The following IL6ST variants were observed in gnomAD, a reference collection of about 807,000 sequenced individuals.
IL6ST encodes the protein interleukin 6 cytokine family signal transducer.
In IL6ST, 24 loss-of-function variants were observed where a neutral mutation model predicts 91.3. The observed-to-expected ratio is 0.26, with a 90% CI of 0.19 to 0.37. The LOEUF is 0.37. IL6ST is among the 10% of genes least tolerant of loss of function. The pLI is 1.00. For missense variants in IL6ST, 914 were observed against 1,078.5 expected (o/e 0.85, Z 2.14); for synonymous variants, 351 against 373.6 (o/e 0.94, Z 0.70).
intron 1 of IL6ST, among the ~76,000 whole-genome samples, chr5:55,989,605 C>T (rs1021899373): frequency 2.3e-4 from 35 of 152,130 alleles, no homozygotes; most frequent in African/African-American, 8.2e-4. Flanking sequence ...CTCACCATTG[C>T]TTAAGAAATA....
rs537130167 is a variant in IL6ST, at chr5:55,948,605, T to C, written c.1841-1016A>G. Among the ~76,000 whole-genome samples, 20 of 152,204 alleles carry C rather than the reference T, an allele frequency of 1.3e-4. 1 individual carries two copies. In the East Asian group the frequency reaches 3.5e-3, roughly 26 times the overall value. On this transcript the variant is annotated intron_variant, in intron 14 of 16. Transcript: ENST00000381298. ...GTATATATTGATATATGTGTGTATATATATATTGATATGGGTATGTATGTG... is the reference window on the plus strand; with the variant it reads ...GTATATATTGATATATGTGTGTATACATATATTGATATGGGTATGTATGTG...
chr5:55,964,091 A>C, intron 6 of IL6ST, 55 bp downstream of exon 6: 6 of 865,938 alleles, frequency 6.9e-6, no homozygotes, highest in Non-Finnish European at 1.0e-5. Flanking sequence ...AAACTACTTT[A>C]ATTTGTAAAC....
chr5:55,968,181 ATAGCATTTAATATTATT>A (rs1339526499), intron 5 of IL6ST, 78 bp downstream of exon 5: 7 of 1,074,012 alleles, frequency 6.5e-6, no homozygotes, highest in Non-Finnish European at 9.4e-6. Flanking sequence ...ATGTTTTAAA[ATAGCATTTAATATTATT>A]ACTTGGTAAA....
chr5:55,950,535 C>CAA (rs70995750), intron 14 of IL6ST, among the ~76,000 whole-genome samples: 392 of 28,810 alleles, frequency 0.014, 2 homozygotes, highest in East Asian at 0.025. Flanking sequence ...GACTCTGTCT[C>CAA]AAAAAAAAAA....
intron 1 of IL6ST, among the ~76,000 whole-genome samples, chr5:55,983,935 AGC>A (rs1211440070): frequency 6.6e-6 from 1 of 152,136 alleles, no homozygotes; most frequent in Non-Finnish European, 1.5e-5. Context: ...AATTCCTTGT[AGC>A]CTTTGCTCAA....
In IL6ST at chr5:55,941,152, G is replaced by A. The variant is rs754073856; in HGVS notation, c.2687C>T (p.Ala896Val). The change falls in exon 17 of 17, where the codon GCG (alanine) becomes GTG (valine). Residue 896 changes from alanine (A) to valine (V), a missense_variant. Transcript: ENST00000381298. ...ERFETVGMEA[A>V]TDEGMPKSYL... ...ACTTTTAGGCATGCCTTCATCAGTC[G>A]CAGCCTCCATGCCAACTGTTTCAAA... 2.0e-5 allele frequency: 33 copies of A among 1,613,952 alleles called. No individual in the cohort carries two copies. The highest frequency in any genetic ancestry group is 4.4e-5 in the South Asian group (4 of 91,074).
At chr5:55,983,802 T>C (rs534253496) in intron 1 of IL6ST, among the ~76,000 whole-genome samples, 1 of 152,330 alleles carries the variant, frequency 6.6e-6, no homozygotes, top group East Asian at 1.9e-4. Context: ...TAACTTTACA[T>C]TGTATAAATA....
chr5:55,988,954 T>TA (rs1252300698), intron 1 of IL6ST, among the ~76,000 whole-genome samples: 18 of 138,356 alleles, frequency 1.3e-4, no homozygotes, highest in South Asian at 6.8e-4. Context: ...CTATAAAAAA[T>TA]AAAAAAAAAA....
intron 5 of IL6ST, among the ~76,000 whole-genome samples, chr5:55,966,657 TAAA>T (rs986720619): frequency 2.6e-5 from 4 of 151,948 alleles, no homozygotes; most frequent in Non-Finnish European, 5.9e-5. Flanking sequence ...ATGAAATACA[TAAA>T]AAAGAGATAG....
intron 7 of IL6ST, among the ~76,000 whole-genome samples, chr5:55,961,555 C>T (rs1047354302): frequency 1.8e-4 from 28 of 152,132 alleles, no homozygotes; most frequent in Admixed American, 8.5e-4. Flanking sequence ...GTCTGGAGTT[C>T]GAGACCAACC....
chr5:55,961,461 A>G (rs1752311886), intron 7 of IL6ST, among the ~76,000 whole-genome samples: 1 of 152,116 alleles, frequency 6.6e-6, no homozygotes, highest in South Asian at 2.1e-4. Context: ...AGTGACCCTA[A>G]GTTGAAAGAC....
rs943669781 is a variant in IL6ST at position 55,936,547 on chromosome 5, C to T, written c.*4535G>A. 9.7e-6 allele frequency: 2 copies of T among 206,684 alleles called. No homozygotes were observed. The highest frequency in any genetic ancestry group is 2.0e-5 in the Non-Finnish European group (2 of 101,532). The allele number at this position is 206,684 out of a possible 1,614,324, so 12.8% of individuals were successfully genotyped here. On this transcript the variant is annotated 3_prime_UTR_variant, in exon 17 of 17. Transcript: ENST00000381298. Reference sequence around the variant, plus strand: ...AAAATGTCACAAAACCCACACGAAGCATCTCATTTACACTAAGATGCTTAT... The same window carrying T: ...AAAATGTCACAAAACCCACACGAAGTATCTCATTTACACTAAGATGCTTAT...
At chr5:55,944,565 T>C (rs914851087) in intron 15 of IL6ST, 2 of 507,472 alleles carry the variant, frequency 3.9e-6, no homozygotes, top group Non-Finnish European at 7.2e-6. Flanking sequence ...AATAAAGAAA[T>C]AAACCAGGTT....
intron 4 of IL6ST, 91 bp downstream of exon 4, chr5:55,969,459 T>G: frequency 2.3e-6 from 2 of 861,720 alleles, no homozygotes; most frequent in Non-Finnish European, 3.5e-6. Context: ...AGTCCACAAG[T>G]TACTACATTT....
At chr5:55,951,788 G>GA (rs1751649702) in intron 13 of IL6ST, 141 bp downstream of exon 13, 6 of 768,310 alleles carry the variant, frequency 7.8e-6, no homozygotes. Context: ...ATAAATCCAT[G>GA]AAAGTAACCA....
rs371668615 is a variant in IL6ST, at chr5:55,936,287, C to T, written c.*4795G>A. ...CAGCAGAGTGCAGGGTGGGCACAGA[C>T]AGGCCACAAGATGGCGCAGCACCTC... On this transcript the variant is annotated 3_prime_UTR_variant, in exon 17 of 17. Coordinates refer to ENST00000381298, the MANE Select transcript of IL6ST (RefSeq NM_002184.4). 1 of 222,644 alleles carries T rather than the reference C, an allele frequency of 4.5e-6. No individual in the cohort carries two copies. Among genetic ancestry groups the T allele is most frequent in the Non-Finnish European group, 8.9e-6 (1 of 112,500 alleles). 13.8% of individuals were successfully genotyped at this position (222,644 alleles called of 1,614,324 possible). A position where few individuals can be genotyped will look rare whatever the true frequency, so the allele number is the denominator to read the frequency against.
chr5:55,983,792 TAA>T (rs1250907862), intron 1 of IL6ST, among the ~76,000 whole-genome samples: 1 of 152,220 alleles, frequency 6.6e-6, no homozygotes, highest in Non-Finnish European at 1.5e-5. Context: ...ATGTATTATA[TAA>T]CTTTACATTG....
At chr5:55,954,787 T>G (rs762459354) in intron 11 of IL6ST, 23 bp downstream of exon 11, 1 of 1,550,954 alleles carries the variant, frequency 6.4e-7, no homozygotes, top group Non-Finnish European at 8.7e-7. Flanking sequence ...GATATCAATT[T>G]AGATGTTTCT....
At chr5:55,959,054 A>G (rs1045498505) in intron 8 of IL6ST, among the ~76,000 whole-genome samples, 1 of 152,132 alleles carries the variant, frequency 6.6e-6, no homozygotes, top group Non-Finnish European at 1.5e-5. Flanking sequence ...TGAGCTGGAA[A>G]TATTTCCTAA....
Sources: allele counts gnomAD v4.1 joint callset (sites outside exome capture counted in the v4.1 genomes callset), GRCh38; gene constraint gnomAD v4.1.1; transcripts MANE v1.5; gene names NCBI Gene and HGNC (gene_info 2026-07-23, HGNC 2026-07-21).